The following TACC2 variants were observed in gnomAD, a reference collection of about 807,000 sequenced individuals.
The protein encoded by TACC2 is transforming acidic coiled-coil-containing protein 2.
TACC2 carries 137 observed loss-of-function variants against 227.3 expected under a neutral mutation model. That is an observed-to-expected ratio of 0.60 (90% CI 0.52 to 0.69). The LOEUF is 0.69. Among genes scored for constraint, TACC2 ranks in the 30% least tolerant of loss-of-function variants. The pLI, the probability that TACC2 is intolerant of heterozygous loss-of-function variation, is 0.00. For synonymous variants in TACC2, 1,523 were observed against 1,487.5 expected, an observed-to-expected ratio of 1.02 and a Z score of -0.55; for missense variants, 3,470 against 3,694.4, an observed-to-expected ratio of 0.94 and a Z score of 1.57.
At chr10:122,220,774 T>TA (rs2095507878) in intron 11 of TACC2, among the ~76,000 whole-genome samples, 1 of 152,256 alleles carries the variant, frequency 6.6e-6, no homozygotes, top group African/African-American at 2.4e-5. Flanking sequence ...GGTGAGGACT[T>TA]ACTTTGAGCT....
chr10:122,232,367 TG>T (rs1322594098), intron 16 of TACC2, among the ~76,000 whole-genome samples: 2 of 152,220 alleles, frequency 1.3e-5, no homozygotes, highest in East Asian at 3.9e-4. Context: ...CTGAGTGCTT[TG>T]GTCCCCCTGC....
At chr10:122,183,697 A>G (rs185189730) in intron 7 of TACC2, among the ~76,000 whole-genome samples, 2 of 152,224 alleles carry the variant, frequency 1.3e-5, no homozygotes, top group African/African-American at 4.8e-5. Flanking sequence ...CAGCTGCCAA[A>G]CCTACTGGAG....
chr10:122,254,303 A>G lies in TACC2; in HGVS notation c.*247A>G, dbSNP rs1247168452. ...ACCTCAGAGTTCCTGTATCAGGGAG[A>G]TTGTCTGATTCTCTAATAAAAGACA... is the stretch of plus-strand genomic sequence containing the variant. On this transcript the variant is annotated 3_prime_UTR_variant, in exon 23 of 23. Coordinates refer to ENST00000369005, the MANE Select transcript of TACC2 (RefSeq NM_206862.4). 1 of 521,146 alleles carries G rather than the reference A, an allele frequency of 1.9e-6. No individual in the cohort carries two copies. Among genetic ancestry groups the G allele is most frequent in the Admixed American group, 2.9e-5 (1 of 34,236 alleles). The allele number at this position is 521,146 out of a possible 1,614,324, so 32.3% of individuals were successfully genotyped here.
chr10:122,057,277 G>C (rs2136317308), intron 3 of TACC2, among the ~76,000 whole-genome samples: 1 of 152,274 alleles, frequency 6.6e-6, no homozygotes, highest in Admixed American at 6.5e-5. Flanking sequence ...GGCACTGACT[G>C]GTGCACTGGA....
chr10:122,071,586 G>T (rs1429104557), intron 3 of TACC2, among the ~76,000 whole-genome samples: 2 of 151,820 alleles, frequency 1.3e-5, no homozygotes, highest in Non-Finnish European at 2.9e-5. Context: ...ATAGAAGCTC[G>T]TATGAGGCCA....
intron 1 of TACC2, among the ~76,000 whole-genome samples, chr10:122,012,318 G>A (rs1432746408): frequency 2.0e-5 from 3 of 151,278 alleles, no homozygotes; most frequent in African/African-American, 7.3e-5. Context: ...TACTCAGGAG[G>A]CTGAGGCTGG....
Position 122,087,453 on chromosome 10 carries a change from G to A in TACC2, c.4953G>A (p.Trp1651Ter). Residue 1651 changes from tryptophan (W) to a stop codon, truncating the protein, a stop_gained, in exon 4 of 23, where the codon TGG becomes TGA. Transcript: ENST00000369005. LOFTEE classifies it high-confidence loss of function. ...LTVPEANSEP[W>*]TLDTLGGERR... The stretch of plus-strand genomic sequence containing the variant: ...TGCCTGAGGCCAACAGTGAGCCCTG[G>A]ACCCTTGACACGCTTGGGGGTGAAA... 1 of 1,614,056 alleles carries A rather than the reference G, an allele frequency of 6.2e-7. No homozygotes were observed.
intron 2 of TACC2, among the ~76,000 whole-genome samples, chr10:122,048,777 G>A (rs969542514): frequency 5.3e-5 from 8 of 152,264 alleles, no homozygotes; most frequent in East Asian, 1.9e-4. Context: ...AATGTCTGTC[G>A]TACAGATTTG....
intron 6 of TACC2, among the ~76,000 whole-genome samples, chr10:122,133,451 G>A (rs537984329): frequency 3.3e-5 from 5 of 152,262 alleles, no homozygotes; most frequent in Admixed American, 1.3e-4. Context: ...AGGCACACAT[G>A]GACATGTATG....
intron 19 of TACC2, chr10:122,246,673 T>C (rs2096127532): frequency 1.3e-5 from 2 of 152,254 alleles, no homozygotes; most frequent in South Asian, 4.1e-4. Context: ...ACTCGTCGCA[T>C]GGACATGTAT....
rs764232214 is a variant in TACC2 at position 122,227,877 on chromosome 10, G to A, written c.7765G>A (p.Ala2589Thr). 52 of 1,614,206 alleles carry A rather than the reference G, an allele frequency of 3.2e-5. No individual in the cohort carries two copies. The highest frequency in any genetic ancestry group is 4.3e-5 in the Non-Finnish European group (51 of 1,180,038). Residue 2589 changes from alanine (A) to threonine (T), a missense_variant, in exon 14 of 23, where the codon GCG (alanine) becomes ACG (threonine). By Grantham distance (58) the Ala-to-Thr change is moderately conservative. Transcript: ENST00000369005. ...EETEALVNTA[A>T]KNQHPVPRGL... ...GACTGAAGCCCTTGTGAACACTGCT[G>A]CGAAAAACCAGCATCCTGTCCCACG...
chr10:122,008,361 A>G (rs575751928), intron 1 of TACC2, among the ~76,000 whole-genome samples: 48 of 151,018 alleles, frequency 3.2e-4, no homozygotes, highest in Admixed American at 1.4e-3. Flanking sequence ...CCCAGGTTCA[A>G]GCGATTCTCC....
intron 7 of TACC2, among the ~76,000 whole-genome samples, chr10:122,147,787 G>C (rs897498161): frequency 2.0e-5 from 3 of 152,152 alleles, no homozygotes; most frequent in African/African-American, 4.8e-5. Flanking sequence ...ACAGTGATAC[G>C]ATCGGATCTG....
At chr10:121,996,018 T>G (rs1953434014) in intron 1 of TACC2, among the ~76,000 whole-genome samples, 1 of 152,074 alleles carries the variant, frequency 6.6e-6, no homozygotes, top group Non-Finnish European at 1.5e-5. Context: ...TCCCAAAGTG[T>G]TGGGATTACA....
At chr10:122,238,473 G>A (rs2141647763) in intron 18 of TACC2, among the ~76,000 whole-genome samples, 1 of 152,252 alleles carries the variant, frequency 6.6e-6, no homozygotes. Flanking sequence ...TTGAAACAGA[G>A]TTTCGCTCTT....
In TACC2 at chr10:122,211,418, T is replaced by C. The variant is rs765282692; in HGVS notation, c.6993T>C (p.Ala2331=). The change falls in exon 9 of 23, where the codon GCT becomes GCC. Residue 2331 remains alanine, a synonymous_variant. Coordinates refer to ENST00000369005, the MANE Select transcript of TACC2 (RefSeq NM_206862.4). ...CTGAACCCAATGACATCCCCATTGC[T>C]AAAGGTACTTACACCTTTGATATTG... The part of the protein sequence containing the change: ...SPAEPNDIPI[A]KGTYTFDIDK... 5 of 1,614,148 alleles carry C rather than the reference T, an allele frequency of 3.1e-6. No homozygotes were observed. In the South Asian group the frequency reaches 5.5e-5, roughly 18 times the overall value.
At chr10:122,154,716 G>A (rs1194506389) in intron 7 of TACC2, among the ~76,000 whole-genome samples, 1 of 152,208 alleles carries the variant, frequency 6.6e-6, no homozygotes, top group Non-Finnish European at 1.5e-5. Context: ...AGGGTGTAGA[G>A]GGAATTATAC....
chr10:122,088,784 G>T (rs1319538300), intron 5 of TACC2, 193 bp downstream of exon 5: 1 of 1,512,520 alleles, frequency 6.6e-7, no homozygotes, highest in South Asian at 1.2e-5. Context: ...GTTGGAAAAG[G>T]GATTGAATGA....
intron 2 of TACC2, among the ~76,000 whole-genome samples, chr10:122,047,288 CAAAAAAAAAA>C (rs371181114): frequency 2.0e-4 from 12 of 60,884 alleles, no homozygotes; most frequent in South Asian, 1.0e-3. Flanking sequence ...GACTCCGTCT[CAAAAAAAAAA>C]AAAAAAAAAA....
Sources: allele counts gnomAD v4.1 joint callset (sites outside exome capture counted in the v4.1 genomes callset), GRCh38; gene constraint gnomAD v4.1.1; transcripts MANE v1.5; gene names NCBI Gene and HGNC (gene_info 2026-07-23, HGNC 2026-07-21).